The following TBC1D1 variants were observed in gnomAD, a reference collection of about 807,000 sequenced individuals.
TBC1D1 encodes the protein TBC1 domain family member 1.
Under a neutral mutation model 125.6 loss-of-function variants are expected in TBC1D1, and 89 were observed. That is an observed-to-expected ratio of 0.71 (90% CI 0.60 to 0.85). TBC1D1 has a LOEUF of 0.85. Among genes scored for constraint, TBC1D1 ranks in the 40% least tolerant of loss-of-function variants. The pLI, the probability that TBC1D1 is intolerant of heterozygous loss-of-function variation, is 0.00. For missense variants in TBC1D1, 1,377 were observed against 1,469.2 expected, an observed-to-expected ratio of 0.94 and a Z score of 1.03; for synonymous variants, 565 against 564.1, an observed-to-expected ratio of 1.00 and a Z score of -0.02.
At position 37,902,176 on chromosome 4, in the gene TBC1D1, C is replaced by T. The variant is rs140988541; in HGVS notation, c.81C>T (p.Gly27=). 19 of 1,613,944 alleles carry T rather than the reference C, an allele frequency of 1.2e-5. No homozygotes were observed. In the African/African-American group the frequency reaches 2.0e-4, roughly 17 times the overall value. Reference sequence around the variant, plus strand: ...TGGATTTTGGCCTGCAGCTGGTGGGCTCCCTGCCTGTGCATTCCCTGACCA... The same window carrying T: ...TGGATTTTGGCCTGCAGCTGGTGGGTTCCCTGCCTGTGCATTCCCTGACCA... The change falls in exon 2 of 20, where the codon GGC becomes GGT. Residue 27 remains glycine, a synonymous_variant. Transcript: ENST00000261439.
At chr4:38,057,822 C>T (rs1752007600) in intron 12 of TBC1D1, among the ~76,000 whole-genome samples, 1 of 152,154 alleles carries the variant, frequency 6.6e-6, no homozygotes, top group Non-Finnish European at 1.5e-5. Flanking sequence ...TTCCCCAAAC[C>T]AGGGAGTTAG....
In TBC1D1 at chr4:37,977,493, G is replaced by A; in HGVS notation, c.418-37016G>A. On this transcript the variant is annotated intron_variant, in intron 2 of 19. Transcript: ENST00000261439. This position sits in a 1 kb window ranked among gnomAD's most constrained non-coding sequence, Gnocchi z 4.3. ...CCGGCGGGCGAAGAGCCGCCGCCCG[G>A]CCCGCGATGTCACCATTGTTCAGCT... 6 of 990,784 alleles carry A rather than the reference G, an allele frequency of 6.1e-6. No individual in the cohort carries two copies. The highest frequency in any genetic ancestry group is 7.2e-6 in the Non-Finnish European group (6 of 827,880). 61.4% of individuals were successfully genotyped at this position (990,784 alleles called of 1,614,324 possible). A position where few individuals can be genotyped will look rare whatever the true frequency, so the allele number is the denominator to read the frequency against.
intron 4 of TBC1D1, 65 bp from the exon 5 acceptor site, chr4:38,020,526 G>A: frequency 7.9e-7 from 1 of 1,273,044 alleles, no homozygotes; most frequent in Non-Finnish European, 1.1e-6. Context: ...AAATCTTGAG[G>A]TGCATTTCTG....
intron 2 of TBC1D1, among the ~76,000 whole-genome samples, chr4:37,953,763 T>C (rs1728356747): frequency 6.6e-6 from 1 of 152,228 alleles, no homozygotes; most frequent in Non-Finnish European, 1.5e-5. Context: ...TTTGAGAAGA[T>C]TGGATGGTTA....
chr4:38,024,655 T>C (rs1304013687), intron 6 of TBC1D1, among the ~76,000 whole-genome samples: 2 of 152,182 alleles, frequency 1.3e-5, no homozygotes, highest in African/African-American at 4.8e-5. Flanking sequence ...AGAAGTGCAT[T>C]GTTAGTAGAA....
intron 2 of TBC1D1, among the ~76,000 whole-genome samples, chr4:37,988,660 T>C (rs1735930881): frequency 6.6e-6 from 1 of 152,128 alleles, no homozygotes; most frequent in Non-Finnish European, 1.5e-5. Flanking sequence ...CCACTATAGG[T>C]GAGATGTCTT....
At chr4:38,020,314 C>T (rs1204879630) in intron 4 of TBC1D1, among the ~76,000 whole-genome samples, 1 of 152,006 alleles carries the variant, frequency 6.6e-6, no homozygotes, top group Non-Finnish European at 1.5e-5. Context: ...ACCATATCTA[C>T]TAAAAATACA....
chr4:37,975,398 C>T (rs141013552), intron 2 of TBC1D1, among the ~76,000 whole-genome samples: 2 of 152,356 alleles, frequency 1.3e-5, no homozygotes, highest in East Asian at 1.9e-4. Flanking sequence ...CACTGAAGCA[C>T]AGCATCACAG....
intron 2 of TBC1D1, among the ~76,000 whole-genome samples, chr4:37,984,830 A>G (rs527513597): frequency 8.0e-5 from 12 of 150,422 alleles, no homozygotes; most frequent in Non-Finnish European, 1.8e-4. Flanking sequence ...TGACAGAGTG[A>G]GACCCTGTCT....
chr4:37,969,386 A>G (rs1731627846), intron 2 of TBC1D1, among the ~76,000 whole-genome samples: 1 of 152,202 alleles, frequency 6.6e-6, no homozygotes, highest in Non-Finnish European at 1.5e-5. Context: ...CTTGTCGCCC[A>G]GTCTGGAGTG....
chr4:37,986,957 A>G (rs1735597653), intron 2 of TBC1D1, among the ~76,000 whole-genome samples: 1 of 152,138 alleles, frequency 6.6e-6, no homozygotes, highest in Admixed American at 6.5e-5. Context: ...CAAGTTGCCA[A>G]TGTCTAATGT....
intron 1 of TBC1D1, among the ~76,000 whole-genome samples, 186 bp downstream of exon 1, chr4:37,891,534 TA>T (rs1713262114): frequency 1.2e-5 from 1 of 81,446 alleles, no homozygotes; most frequent in African/African-American, 4.7e-5. Context: ...TTGCCCCCCT[TA>T]CCCCCCCACC....
intron 2 of TBC1D1, among the ~76,000 whole-genome samples, chr4:37,903,097 G>A (rs1716444315): frequency 6.6e-6 from 1 of 152,220 alleles, no homozygotes; most frequent in Non-Finnish European, 1.5e-5. Context: ...TCATTGATAA[G>A]AACGCTGGAT....
intron 2 of TBC1D1, among the ~76,000 whole-genome samples, chr4:38,011,423 A>G (rs1355528205): frequency 1.3e-5 from 2 of 152,222 alleles, no homozygotes; most frequent in African/African-American, 2.4e-5. Flanking sequence ...AGAGGGTTTT[A>G]TAAACTTACA....
In TBC1D1 at chr4:38,096,066, A is replaced by G; in HGVS notation, c.2374A>G (p.Lys792Glu). 1 of 1,613,610 alleles carries G rather than the reference A, an allele frequency of 6.2e-7. No homozygotes were observed. Among genetic ancestry groups the G allele is most frequent in the Non-Finnish European group, 8.5e-7 (1 of 1,179,636 alleles). The change falls in exon 14 of 20, where the codon AAA (lysine) becomes GAA (glutamate). Residue 792 changes from lysine to glutamate, a missense_variant. Lys to Glu is a moderately conservative substitution (Grantham distance 56, BLOSUM62 1). Around this residue, in one of 3 missense-constraint regions of TBC1D1, gnomAD observed 543 missense variants for 613.5 expected, o/e 0.89. Coordinates refer to ENST00000261439, the MANE Select transcript of TBC1D1 (RefSeq NM_015173.4). ...ATCAAAAATTAAGTTTGACATGGAA[A>G]AAATGCACTCGGCTGTTGGGCAAGG...
rs771210690 is a variant in TBC1D1 at position 38,014,819 on chromosome 4, C to T, written c.728C>T (p.Ser243Leu). The T allele has an allele frequency of 1.2e-6, 2 of 1,611,324 alleles. No individual in the cohort carries two copies. The highest frequency in any genetic ancestry group is 1.7e-6 in the Non-Finnish European group (2 of 1,178,298). Residue 243 changes from serine (S) to leucine (L), a missense_variant, in exon 3 of 20, where the codon TCG becomes TTG. Physicochemically the swap from Ser to Leu is moderately radical, Grantham distance 145. Around this residue, in one of 3 missense-constraint regions of TBC1D1, gnomAD observed 822 missense variants for 824.6 expected, o/e 1.00. Transcript: ENST00000261439. This position sits in a 1 kb window ranked among gnomAD's most constrained non-coding sequence, Gnocchi z 5.1. ...TCCTTCTCCCAGCCCGGCCTGCGCT[C>T]GCTGGCCTTTAGGAAGGAGCTGCAG...
At chr4:38,098,983 C>T (rs1286081329) in intron 14 of TBC1D1, among the ~76,000 whole-genome samples, 1 of 152,148 alleles carries the variant, frequency 6.6e-6, no homozygotes, top group Non-Finnish European at 1.5e-5. Context: ...CAGTTTAGTA[C>T]ACATCAAAAT....
chr4:38,056,304 A>G (rs995810176), intron 12 of TBC1D1, among the ~76,000 whole-genome samples: 3 of 152,140 alleles, frequency 2.0e-5, no homozygotes, highest in Non-Finnish European at 4.4e-5. Context: ...TGTCCTCCGA[A>G]GAGCCTCTGC....
intron 12 of TBC1D1, among the ~76,000 whole-genome samples, chr4:38,077,022 A>G (rs939590118): frequency 7.9e-5 from 12 of 152,040 alleles, no homozygotes; most frequent in African/African-American, 2.7e-4. Context: ...CGTTTTTCAG[A>G]CCTCAGTGGC....
Sources: gnomAD v4.1 joint callset for allele counts (sites outside exome capture counted in the v4.1 genomes callset) on GRCh38, gnomAD v4.1.1 for gene constraint, gnomAD v4.1.1 regional missense constraint, Gnocchi (gnomAD v3.1) non-coding constraint, MANE v1.5 for transcripts, NCBI Gene and HGNC (gene_info 2026-07-23, HGNC 2026-07-21) for gene names.